Variants in BLOC1S2 observed in about 807,000 individuals in gnomAD.
BLOC1S2 encodes biogenesis of lysosomal organelles complex 1 subunit 2, also known as biogenesis of lysosome-related organelles complex 1 subunit 2.
A neutral mutation model predicts 19.6 loss-of-function variants in BLOC1S2; 12 were observed. That is an observed-to-expected ratio of 0.61 (90% CI 0.39 to 0.99). The LOEUF is 0.99. Ranked by LOEUF, BLOC1S2 falls within the 50% of genes least tolerant of loss-of-function variation. The pLI is 0.00. For synonymous variants in BLOC1S2, 66 were observed against 64.1 expected, an observed-to-expected ratio of 1.03 and a Z score of -0.14; for missense variants, 142 against 171.0, an observed-to-expected ratio of 0.83 and a Z score of 0.95.
rs1554910962 is a variant in BLOC1S2 at position 100,281,693 on chromosome 10, A to AATATAT, written c.173-646_173-641dup. The stretch of plus-strand genomic sequence containing the variant: ...GTGAGACTCCATCTCAAAAAAAAAA[A>AATATAT]ATATATATATATACACATACACACA... On this transcript the variant is annotated intron_variant, in intron 2 of 4. Transcript: ENST00000370372. Among the ~76,000 whole-genome samples the AATATAT allele has an allele frequency of 9.9e-4, 137 of 138,870 alleles. 2 individuals carry two copies. The highest frequency in any genetic ancestry group is 3.5e-3 in the Middle Eastern group (1 of 284). 91.1% of individuals were successfully genotyped at this position (138,870 alleles called of 152,430 possible).
intron 2 of BLOC1S2, among the ~76,000 whole-genome samples, chr10:100,284,446 G>A (rs1167824749): frequency 6.6e-6 from 1 of 152,188 alleles, no homozygotes; most frequent in Non-Finnish European, 1.5e-5. Context: ...AAGCTGAGGT[G>A]TTAGGATCAC....
At position 100,280,996 on chromosome 10, in the gene BLOC1S2, T is replaced by C. The variant is rs1848088469; in HGVS notation, c.230A>G (p.Tyr77Cys). The change falls in exon 3 of 5, where the codon TAT becomes TGT. Residue 77 changes from tyrosine (Y) to cysteine (C), a missense_variant. Tyr to Cys is a radical substitution (Grantham distance 194, BLOSUM62 -2). This residue lies in a region of BLOC1S2 where 94 missense variants were observed against 141.3 expected (regional missense o/e 0.67). Coordinates refer to ENST00000370372, the MANE Select transcript of BLOC1S2 (RefSeq NM_173809.5). ...ENMNKLTSLKYLEMKDIAINI... is the reference protein window; with the variant it reads ...ENMNKLTSLKCLEMKDIAINI... ...TATAGCAATATCTTTCATTTCAAGA[T>C]ACTTCAAGCTGGTGAGTTTATTCAT... is the stretch of plus-strand genomic sequence containing the variant. 5 of 1,613,900 alleles carry C rather than the reference T, an allele frequency of 3.1e-6. No individual in the cohort carries two copies. Among genetic ancestry groups the C allele is most frequent in the South Asian group, 2.2e-5 (2 of 91,070 alleles).
At chr10:100,283,464 C>T (rs774374335) in intron 2 of BLOC1S2, among the ~76,000 whole-genome samples, 23 of 152,230 alleles carry the variant, frequency 1.5e-4, no homozygotes, top group East Asian at 1.9e-4. Flanking sequence ...GCATGAGCCA[C>T]GGTGCCTGGT....
intron 4 of BLOC1S2, among the ~76,000 whole-genome samples, chr10:100,276,323 C>A (rs796660231): frequency 1.8e-5 from 1 of 55,128 alleles, no homozygotes; most frequent in Non-Finnish European, 5.4e-5. Flanking sequence ...TCCCGTCTCC[C>A]TCTCTCTCTC....
At chr10:100,280,037 ACCATAAAT>A in intron 4 of BLOC1S2, 79 bp downstream of exon 4, 1 of 960,422 alleles carries the variant, frequency 1.0e-6, no homozygotes, top group Non-Finnish European at 1.6e-6. Context: ...CTGTAGGCAC[ACCATAAAT>A]GTTAACTATT....
At chr10:100,283,172 C>G (rs953688165) in intron 2 of BLOC1S2, among the ~76,000 whole-genome samples, 4 of 152,238 alleles carry the variant, frequency 2.6e-5, no homozygotes. Context: ...TCTTGGTCTG[C>G]TTCCATCCCT....
At chr10:100,286,492 T>C (rs1461410927) in intron 1 of BLOC1S2, 113 bp downstream of exon 1, 3 of 1,517,328 alleles carry the variant, frequency 2.0e-6, no homozygotes, top group Non-Finnish European at 1.8e-6. Flanking sequence ...ACAAGTGCAC[T>C]CCTCTCACCA....
Position 100,275,345 on chromosome 10 carries a change from G to T in BLOC1S2, c.*117C>A, listed in dbSNP as rs1356771002. ...TCGAACGTTGAGATGTTCCTGTGATGACCAGCATAATTTCCTTTTGAGGAA... is the reference window on the plus strand; with the variant it reads ...TCGAACGTTGAGATGTTCCTGTGATTACCAGCATAATTTCCTTTTGAGGAA... On this transcript the variant is annotated 3_prime_UTR_variant, in exon 5 of 5. Coordinates refer to ENST00000370372, the MANE Select transcript of BLOC1S2 (RefSeq NM_173809.5). The T allele has an allele frequency of 2.8e-6, 3 of 1,061,866 alleles. No homozygotes were observed. Among genetic ancestry groups the T allele is most frequent in the South Asian group, 3.0e-5 (2 of 66,632 alleles). 65.8% of individuals were successfully genotyped at this position (1,061,866 alleles called of 1,614,324 possible). A position where few individuals can be genotyped will look rare whatever the true frequency, so the allele number is the denominator to read the frequency against.
intron 4 of BLOC1S2, among the ~76,000 whole-genome samples, chr10:100,277,300 C>T (rs1489256126): frequency 0.01 from 1,460 of 143,078 alleles, no homozygotes; most frequent in East Asian, 0.041. Flanking sequence ...GGAGCGTCTC[C>T]GCCCGGCAGC....
intron 2 of BLOC1S2, among the ~76,000 whole-genome samples, chr10:100,281,711 T>TACACACACACACACACACACAC (rs71013439): frequency 1.1e-4 from 15 of 132,570 alleles, no homozygotes; most frequent in African/African-American, 3.4e-4. Context: ...TATATACACA[T>TACACACACACACACACACACAC]ACACACACAC....
intron 4 of BLOC1S2, among the ~76,000 whole-genome samples, chr10:100,277,424 T>C (rs1847925206): frequency 7.1e-6 from 1 of 139,932 alleles, no homozygotes; most frequent in Non-Finnish European, 1.5e-5. Flanking sequence ...GGAGCCCCTC[T>C]GCCCAGCCAG....
At chr10:100,280,799 C>T in intron 3 of BLOC1S2, 135 bp downstream of exon 3, 1 of 1,235,970 alleles carries the variant, frequency 8.1e-7, no homozygotes, top group Non-Finnish European at 1.1e-6. Context: ...AGAAATTCAT[C>T]TTAAATTTGG....
rs759050926 is a variant in BLOC1S2 at position 100,286,639 on chromosome 10, G to C, written c.21C>G (p.Gly7=). Residue 7 remains glycine, a synonymous_variant, in exon 1 of 5, where the codon GGC becomes GGG. Coordinates refer to ENST00000370372, the MANE Select transcript of BLOC1S2 (RefSeq NM_173809.5). The stretch of plus-strand genomic sequence containing the variant: ...GCTCATCACTCCGGGTCGCCAGTAC[G>C]CCCTCGGCTGCCGCCGCCATAGCGG... MAAAAE[G]VLATRSDEPA... is the part of the protein sequence containing the mutation. 1.9e-6 allele frequency: 3 copies of C among 1,609,446 alleles called. No individual in the cohort carries two copies. Among genetic ancestry groups the C allele is most frequent in the East Asian group, 2.2e-5 (1 of 44,814 alleles).
chr10:100,279,497 G>C (rs1848044034), intron 4 of BLOC1S2, among the ~76,000 whole-genome samples: 1 of 152,140 alleles, frequency 6.6e-6, no homozygotes, highest in Non-Finnish European at 1.5e-5. Context: ...CACTTTGGGA[G>C]GCTGAGGCGG....
chr10:100,281,711 TACACAC>T (rs71013439), intron 2 of BLOC1S2, among the ~76,000 whole-genome samples: 39 of 132,570 alleles, frequency 2.9e-4, no homozygotes, highest in East Asian at 1.1e-3. Context: ...TATATACACA[TACACAC>T]ACACACACAC....
Position 100,274,909 on chromosome 10 carries a change from C to G in BLOC1S2, c.*553G>C. On this transcript the variant is annotated 3_prime_UTR_variant, in exon 5 of 5. Transcript: ENST00000370372. Reference sequence around the variant, plus strand: ...CACCATTTCTGCTCAATCTAGAAGACTCAGCTTGGAATTATTTTAAGATTT... The same window carrying G: ...CACCATTTCTGCTCAATCTAGAAGAGTCAGCTTGGAATTATTTTAAGATTT... The G allele has an allele frequency of 2.5e-6, 1 of 398,496 alleles. No homozygotes were observed. The highest frequency in any genetic ancestry group is 4.4e-6 in the Non-Finnish European group (1 of 226,052). 24.7% of individuals were successfully genotyped at this position (398,496 alleles called of 1,614,324 possible). A position where few individuals can be genotyped will look rare whatever the true frequency, so the allele number is the denominator to read the frequency against.
Position 100,273,410 on chromosome 10 carries a change from T to C in BLOC1S2, c.*2052A>G, listed in dbSNP as rs938398649. 8 of 152,236 alleles carry C rather than the reference T, an allele frequency of 5.3e-5. No individual in the cohort carries two copies. Among genetic ancestry groups the C allele is most frequent in the African/African-American group, 1.9e-4 (8 of 41,460 alleles). The allele number at this position is 152,236 out of a possible 1,614,324, so 9.4% of individuals were successfully genotyped here. A position where few individuals can be genotyped will look rare whatever the true frequency, so the allele number is the denominator to read the frequency against. On this transcript the variant is annotated 3_prime_UTR_variant, in exon 5 of 5. Coordinates refer to ENST00000370372, the MANE Select transcript of BLOC1S2 (RefSeq NM_173809.5). ...ATAAAAAAACTCATCCATTAAATTC[T>C]GTATTATCTTTGCAACTTTCCCGTA... is the stretch of plus-strand genomic sequence containing the variant.
chr10:100,286,253 C>A, intron 1 of BLOC1S2, 40 bp from the exon 2 acceptor site: 3 of 1,601,512 alleles, frequency 1.9e-6, no homozygotes, highest in Non-Finnish European at 2.6e-6. Context: ...CGCCTACACC[C>A]GGTGCTAATC....
intron 4 of BLOC1S2, among the ~76,000 whole-genome samples, chr10:100,277,679 GC>G (rs1293096920): frequency 2.2e-5 from 3 of 137,598 alleles, no homozygotes; most frequent in Non-Finnish European, 4.8e-5. Context: ...CCCCCGCCCG[GC>G]CAGCCGCCCC....
Sources: allele counts gnomAD v4.1 joint callset (sites outside exome capture counted in the v4.1 genomes callset), GRCh38; gene constraint gnomAD v4.1.1; regional missense constraint gnomAD v4.1.1; transcripts MANE v1.5; gene names NCBI Gene and HGNC (gene_info 2026-07-23, HGNC 2026-07-21).